Variants in IRF2 observed in about 807,000 individuals in gnomAD.
The protein encoded by IRF2 is interferon regulatory factor 2.
IRF2 carries 15 observed loss-of-function variants against 40.6 expected under a neutral mutation model. The ratio of observed to expected loss-of-function variants is 0.37; its 90% CI spans 0.25 to 0.57. The LOEUF is 0.57. Ranked by LOEUF, IRF2 falls within the 20% of genes least tolerant of loss-of-function variation. IRF2 has a pLI of 0.77. For synonymous variants in IRF2, 151 were observed against 165.5 expected (o/e 0.91, Z 0.67); for missense variants, 317 against 455.7 (o/e 0.70, Z 2.77).
chr4:184,471,598 GATGTT>G (rs1485006492), intron 1 of IRF2, among the ~76,000 whole-genome samples: 55 of 152,238 alleles, frequency 3.6e-4, no homozygotes, highest in Non-Finnish European at 1.0e-4. Flanking sequence ...TGTACGAGAT[GATGTT>G]AAGAATAAAA....
rs1399974550 is a variant in IRF2, at chr4:184,390,844, A to G, written c.695-95T>C. 3 of 1,225,124 alleles carry G rather than the reference A, an allele frequency of 2.4e-6. No individual in the cohort carries two copies. The African/African-American group carries it at 4.5e-5, about 18-fold the overall frequency. The allele number at this position is 1,225,124 out of a possible 1,614,324, so 75.9% of individuals were successfully genotyped here. On this transcript the variant is annotated intron_variant, in intron 7 of 8. Coordinates refer to ENST00000393593, the MANE Select transcript of IRF2 (RefSeq NM_002199.4). ...TTTATAAAAAGGAGACTGAGTAACT[A>G]AACGCATCACCTCCCTCCCTTTGTA...
intron 1 of IRF2, among the ~76,000 whole-genome samples, chr4:184,430,764 C>T (rs1368523378): frequency 6.6e-6 from 1 of 152,136 alleles, no homozygotes; most frequent in Non-Finnish European, 1.5e-5. Context: ...GACATGATCA[C>T]AGCTCACTGC....
chr4:184,470,703 AAG>A (rs33947545), intron 1 of IRF2, among the ~76,000 whole-genome samples: 98,830 of 120,250 alleles, frequency 0.82, 39,509 homozygotes, highest in East Asian at 0.9. Flanking sequence ...AAAAAAAAAA[AAG>A]AAAAGAAAAA....
intron 1 of IRF2, among the ~76,000 whole-genome samples, chr4:184,434,320 G>A (rs1311916768): frequency 2.0e-5 from 3 of 152,086 alleles, no homozygotes; most frequent in East Asian, 1.9e-4. Context: ...CCATCTTCCC[G>A]GCCCACACTT....
At chr4:184,399,465 T>G (rs1736591731) in intron 6 of IRF2, among the ~76,000 whole-genome samples, 1 of 152,202 alleles carries the variant, frequency 6.6e-6, no homozygotes, top group African/African-American at 2.4e-5. Context: ...TGCTCCCTGC[T>G]CTTGCTCCAA....
At chr4:184,401,545 T>C (rs537437603) in intron 6 of IRF2, among the ~76,000 whole-genome samples, 1 of 152,326 alleles carries the variant, frequency 6.6e-6, no homozygotes, top group East Asian at 1.9e-4. Flanking sequence ...CTTTGGATTA[T>C]CCTACGTGAG....
At chr4:184,437,985 A>G (rs1686167878) in intron 1 of IRF2, among the ~76,000 whole-genome samples, 1 of 152,180 alleles carries the variant, frequency 6.6e-6, no homozygotes, top group South Asian at 2.1e-4. Flanking sequence ...GTGCTTTTTC[A>G]GCAAAAGTAA....
intron 7 of IRF2, among the ~76,000 whole-genome samples, chr4:184,391,363 G>T (rs1736254949): frequency 6.6e-6 from 1 of 152,186 alleles, no homozygotes; most frequent in Admixed American, 6.5e-5. Context: ...CAGCAAAGGG[G>T]ATGAAATGGA....
intron 1 of IRF2, among the ~76,000 whole-genome samples, chr4:184,440,922 G>A (rs1738281306): frequency 6.6e-6 from 1 of 152,204 alleles, no homozygotes; most frequent in African/African-American, 2.4e-5. Context: ...TACCCAAAAA[G>A]AGGTGATGGC....
intron 7 of IRF2, among the ~76,000 whole-genome samples, chr4:184,392,567 G>A (rs923069168): frequency 1.3e-5 from 2 of 152,334 alleles, no homozygotes; most frequent in Non-Finnish European, 2.9e-5. Context: ...GGTCCCTGCT[G>A]AGGGGCTGGC....
chr4:184,405,725 G>C (rs10007005), intron 6 of IRF2, among the ~76,000 whole-genome samples: 1 of 152,188 alleles, frequency 6.6e-6, no homozygotes, highest in Non-Finnish European at 1.5e-5. Flanking sequence ...TGAGAAGTAC[G>C]GTGAGGGAAG....
intron 1 of IRF2, among the ~76,000 whole-genome samples, chr4:184,445,838 T>G (rs946230386): frequency 1.1e-4 from 16 of 152,160 alleles, no homozygotes; most frequent in African/African-American, 3.6e-4. Context: ...CCCCCCAACA[T>G]TCGTGTCCAC....
rs6812654 is a variant in IRF2 at position 184,404,156 on chromosome 4, A to G, written c.529+4002T>C. Among the ~76,000 whole-genome samples, 314 of 152,302 alleles carry G rather than the reference A, an allele frequency of 2.1e-3. 5 individuals are homozygous for G. The highest frequency in any genetic ancestry group is 6.7e-3 in the African/African-American group (278 of 41,560). ...GTTTGGTCCTACCATTTTACAGTTG[A>G]AAAAAGCTGAAACCCAGAGCTCAGG... On this transcript the variant is annotated intron_variant, in intron 6 of 8. Transcript: ENST00000393593.
intron 1 of IRF2, among the ~76,000 whole-genome samples, chr4:184,460,698 T>TGCACACGCACACACACACAC (rs1739112857): frequency 1.4e-5 from 2 of 147,596 alleles, no homozygotes; most frequent in African/African-American, 5.1e-5. Context: ...CACACACACA[T>TGCACACGCACACACACACAC]GCACACGCAC....
intron 1 of IRF2, among the ~76,000 whole-genome samples, chr4:184,433,737 C>T (rs1483580331): frequency 2.6e-5 from 4 of 152,178 alleles, no homozygotes; most frequent in Non-Finnish European, 4.4e-5. Context: ...CACATGAAGG[C>T]CCTTCTCCTT....
chr4:184,465,317 C>T (rs1739281872), intron 1 of IRF2, among the ~76,000 whole-genome samples: 1 of 152,232 alleles, frequency 6.6e-6, no homozygotes. Flanking sequence ...CGTCCATGCA[C>T]AGCCTCCTCC....
Position 184,387,837 on chromosome 4 carries a change from C to A in IRF2, c.*921G>T. ...TTACAAAATTAAAAAAAAAAATGTG[C>A]CACAAGGATGTAATAACAACTGCTG... On this transcript the variant is annotated 3_prime_UTR_variant, in exon 9 of 9. Transcript: ENST00000393593. The A allele has an allele frequency of 6.6e-6, 1 of 151,200 alleles. No homozygotes were observed. The allele number at this position is 151,200 out of a possible 1,614,324, so 9.4% of individuals were successfully genotyped here.
At chr4:184,437,019 A>G (rs1235353354) in intron 1 of IRF2, among the ~76,000 whole-genome samples, 2 of 152,126 alleles carry the variant, frequency 1.3e-5, no homozygotes, top group East Asian at 1.9e-4. Flanking sequence ...TCAAGTACCC[A>G]GGACTACAGG....
intron 1 of IRF2, among the ~76,000 whole-genome samples, chr4:184,471,463 G>A (rs570957387): frequency 1.3e-5 from 2 of 152,228 alleles, no homozygotes; most frequent in South Asian, 4.1e-4. Flanking sequence ...TCTTGTCTGC[G>A]TTAAGCCCTT....
Sources: gnomAD v4.1 joint callset for allele counts (sites outside exome capture counted in the v4.1 genomes callset) on GRCh38, gnomAD v4.1.1 for gene constraint, MANE v1.5 for transcripts, NCBI Gene and HGNC (gene_info 2026-07-23, HGNC 2026-07-21) for gene names.